The following SPPL2A variants were observed in gnomAD, a reference collection of about 807,000 sequenced individuals.
SPPL2A encodes signal peptide peptidase-like 2A.
A neutral mutation model predicts 63.8 loss-of-function variants in SPPL2A; 51 were observed. The ratio of observed to expected loss-of-function variants is 0.80; its 90% CI spans 0.64 to 1.01. The LOEUF (loss-of-function observed/expected upper bound fraction) is 1.01, where lower values mean the gene tolerates loss of function less well. Among genes scored for constraint, SPPL2A ranks in the 50% least tolerant of loss-of-function variants. The pLI is 0.00. For missense variants in SPPL2A, 553 were observed against 622.7 expected (o/e 0.89, Z 1.19); for synonymous variants, 188 against 205.8 (o/e 0.91, Z 0.74).
chr15:50,723,046 G>T (rs76655479), intron 12 of SPPL2A, among the ~76,000 whole-genome samples: 1 of 152,034 alleles, frequency 6.6e-6, no homozygotes, highest in African/African-American at 2.4e-5. Flanking sequence ...ATAGCCAACA[G>T]GTATATGAAA....
Position 50,747,495 on chromosome 15 carries a change from A to G in SPPL2A, c.584T>C (p.Leu195Ser). Residue 195 changes from leucine (L) to serine (S), a missense_variant and splice_region_variant, in exon 5 of 15, where the codon TTG becomes TCG. Leu to Ser is a moderately radical substitution (Grantham distance 145, BLOSUM62 -2). Coordinates refer to ENST00000261854, the MANE Select transcript of SPPL2A (RefSeq NM_032802.4). ...LGGYWSGLVE[L>S]ENLKAVTTED... The stretch of plus-strand genomic sequence containing the variant: ...AAACGCTTAAGTTAATTAAACTTAC[A>G]ATTCAACTAGTCCACTCCAGTATCC... 5 of 1,598,212 alleles carry G rather than the reference A, an allele frequency of 3.1e-6. No individual in the cohort carries two copies. Among genetic ancestry groups the G allele is most frequent in the Non-Finnish European group, 3.4e-6 (4 of 1,176,080 alleles).
At chr15:50,709,726 GC>G (rs2062542070) in intron 14 of SPPL2A, among the ~76,000 whole-genome samples, 1 of 151,906 alleles carries the variant, frequency 6.6e-6, no homozygotes, top group Non-Finnish European at 1.5e-5. Flanking sequence ...AGAGGCAGAG[GC>G]TTTGCTGACC....
chr15:50,765,668 G>A lies in SPPL2A; in HGVS notation c.-135C>T, dbSNP rs1475603837. 4.2e-6 allele frequency: 2 copies of A among 479,964 alleles called. No individual in the cohort carries two copies. Among genetic ancestry groups the A allele is most frequent in the East Asian group, 3.6e-5 (1 of 27,652 alleles). 29.7% of individuals were successfully genotyped at this position (479,964 alleles called of 1,614,324 possible). ...GGCGCGGGCGGCCGGGCTACGACTG[G>A]ACCGCCGCTGCTACAGCGGCCGCCA... On this transcript the variant is annotated 5_prime_UTR_variant, in exon 1 of 15. Coordinates refer to ENST00000261854, the MANE Select transcript of SPPL2A (RefSeq NM_032802.4).
intron 1 of SPPL2A, among the ~76,000 whole-genome samples, chr15:50,760,826 G>A (rs1310705242): frequency 6.6e-6 from 1 of 152,178 alleles, no homozygotes; most frequent in Non-Finnish European, 1.5e-5. Flanking sequence ...GAGCAGAAGA[G>A]AAAGAATTGA....
chr15:50,707,948 G>A (rs1433509919), intron 14 of SPPL2A, 74 bp from the exon 15 acceptor site: 3 of 795,150 alleles, frequency 3.8e-6, no homozygotes, highest in African/African-American at 1.7e-5. Context: ...TTAGCAAAAG[G>A]ATTCTTTTTC....
intron 5 of SPPL2A, among the ~76,000 whole-genome samples, chr15:50,745,079 T>C (rs1567162875): frequency 3.3e-5 from 5 of 152,202 alleles, no homozygotes; most frequent in Non-Finnish European, 5.9e-5. Context: ...CAATGCAGTT[T>C]GTGGCTTTTT....
intron 6 of SPPL2A, 128 bp downstream of exon 6, chr15:50,739,552 A>T: frequency 1.7e-6 from 1 of 589,750 alleles, no homozygotes; most frequent in South Asian, 3.2e-5. Flanking sequence ...TTAAAAAAAA[A>T]TTAATATTAA....
At chr15:50,748,942 T>G (rs2062882735) in intron 2 of SPPL2A, 72 bp from the exon 3 acceptor site, 2 of 889,008 alleles carry the variant, frequency 2.2e-6, no homozygotes, top group Non-Finnish European at 3.3e-6. Flanking sequence ...TTATAAATAC[T>G]GCCTTTGGTT....
chr15:50,724,971 G>T (rs1287674966), intron 12 of SPPL2A, among the ~76,000 whole-genome samples: 2 of 152,140 alleles, frequency 1.3e-5, no homozygotes, highest in Admixed American at 6.5e-5. Context: ...GAAGAAGAAG[G>T]TTAAACTGAT....
At position 50,703,356 on chromosome 15, in the gene SPPL2A, A is replaced by ATATATATT. The variant is rs1196710672; in HGVS notation, c.*4443_*4444insAATATATA. The ATATATATT allele has an allele frequency of 1.6e-5, 1 of 62,042 alleles. No homozygotes were observed. The highest frequency in any genetic ancestry group is 2.8e-5 in the Non-Finnish European group (1 of 35,138). The allele number at this position is 62,042 out of a possible 1,614,324, so 3.8% of individuals were successfully genotyped here. A position where few individuals can be genotyped will look rare whatever the true frequency, so the allele number is the denominator to read the frequency against. Reference sequence around the variant, plus strand: ...TATATATATATATATACATATATATATTTTTTTTTTTTTTTTTTTTTTTTG... The same window carrying ATATATATT: ...TATATATATATATATACATATATATATATATATTTTTTTTTTTTTTTTTTTTTTTTTTG... On this transcript the variant is annotated 3_prime_UTR_variant, in exon 15 of 15. Coordinates refer to ENST00000261854, the MANE Select transcript of SPPL2A (RefSeq NM_032802.4).
At chr15:50,730,611 G>A (rs1044280936) in intron 10 of SPPL2A, among the ~76,000 whole-genome samples, 7 of 152,108 alleles carry the variant, frequency 4.6e-5, no homozygotes, top group African/African-American at 9.7e-5. Context: ...TAGGCCTTCC[G>A]ATTTCCAGCG....
intron 10 of SPPL2A, among the ~76,000 whole-genome samples, chr15:50,728,385 C>A (rs998413111): frequency 6.6e-6 from 1 of 152,034 alleles, no homozygotes; most frequent in Non-Finnish European, 1.5e-5. Context: ...ACTCTGTTGC[C>A]CAGGCTGGAG....
At chr15:50,745,903 T>C (rs1173488765) in intron 5 of SPPL2A, among the ~76,000 whole-genome samples, 1 of 151,580 alleles carries the variant, frequency 6.6e-6, no homozygotes, top group African/African-American at 2.4e-5. Flanking sequence ...GCACAAAAAC[T>C]AGCCAGGCAT....
chr15:50,765,322 G>C (rs1167542480), intron 1 of SPPL2A, 146 bp downstream of exon 1: 10 of 532,916 alleles, frequency 1.9e-5, no homozygotes, highest in Non-Finnish European at 3.2e-5. Flanking sequence ...AATGGAAAGA[G>C]GAGGGGAGGA....
chr15:50,752,692 T>C (rs764402794), intron 1 of SPPL2A, among the ~76,000 whole-genome samples: 44 of 151,030 alleles, frequency 2.9e-4, no homozygotes, highest in Non-Finnish European at 5.9e-4. Flanking sequence ...CACTCCAGCC[T>C]GTGCAACAGA....
At chr15:50,713,690 T>C (rs991809291) in intron 14 of SPPL2A, among the ~76,000 whole-genome samples, 1 of 152,216 alleles carries the variant, frequency 6.6e-6, no homozygotes, top group South Asian at 2.1e-4. Context: ...ATTTTTTCTC[T>C]GCAGCTTGTG....
At chr15:50,732,984 C>T (rs12900933) in intron 8 of SPPL2A, among the ~76,000 whole-genome samples, 13,336 of 151,906 alleles carry the variant, frequency 0.088, 720 homozygotes, top group South Asian at 0.15. Context: ...TATTAAACAG[C>T]AAGCATAACA....
At chr15:50,751,635 G>C (rs1303054616) in intron 1 of SPPL2A, among the ~76,000 whole-genome samples, 1 of 152,090 alleles carries the variant, frequency 6.6e-6, no homozygotes, top group East Asian at 1.9e-4. Context: ...TTCCCTTTAT[G>C]TTTGATGAGT....
chr15:50,712,694 T>C (rs1158694410), intron 14 of SPPL2A, among the ~76,000 whole-genome samples: 4 of 136,232 alleles, frequency 2.9e-5, no homozygotes, highest in East Asian at 2.3e-4. Flanking sequence ...TTTTTTTTTT[T>C]CTCGAGGCGG....
Sources: gnomAD v4.1 joint callset for allele counts (sites outside exome capture counted in the v4.1 genomes callset) on GRCh38, gnomAD v4.1.1 for gene constraint, MANE v1.5 for transcripts, NCBI Gene and HGNC (gene_info 2026-07-23, HGNC 2026-07-21) for gene names.